The following CRISPLD2 variants were observed in gnomAD, a reference collection of about 807,000 sequenced individuals.
CRISPLD2 encodes cysteine rich secretory protein LCCL domain containing 2.
CRISPLD2 carries 47 observed loss-of-function variants against 71.1 expected under a neutral mutation model. That is an observed-to-expected ratio of 0.66 (90% CI 0.52 to 0.84). CRISPLD2 has a LOEUF of 0.84. Among genes scored for constraint, CRISPLD2 ranks in the 40% least tolerant of loss-of-function variants. CRISPLD2 has a pLI of 0.00. For missense variants in CRISPLD2, 830 were observed against 651.1 expected, an observed-to-expected ratio of 1.27 and a Z score of -2.99; for synonymous variants, 317 against 250.1, an observed-to-expected ratio of 1.27 and a Z score of -2.52.
At chr16:84,877,782 G>A (rs1443027457) in intron 12 of CRISPLD2, among the ~76,000 whole-genome samples, 9 of 152,200 alleles carry the variant, frequency 5.9e-5, no homozygotes, top group East Asian at 3.9e-4. Context: ...CCTGGGAGGC[G>A]GAGGTTGCAG....
chr16:84,901,544 T>C (rs1448589804), intron 14 of CRISPLD2, among the ~76,000 whole-genome samples: 1 of 150,456 alleles, frequency 6.6e-6, no homozygotes, highest in Non-Finnish European at 1.5e-5. Context: ...TGATCTCGGC[T>C]CATTGCAACC....
intron 14 of CRISPLD2, among the ~76,000 whole-genome samples, chr16:84,895,830 C>T (rs934781298): frequency 6.6e-6 from 1 of 152,098 alleles, no homozygotes; most frequent in Non-Finnish European, 1.5e-5. Flanking sequence ...CAGGTACCTC[C>T]CTGGAGAGGC....
intron 13 of CRISPLD2, among the ~76,000 whole-genome samples, chr16:84,883,776 G>A (rs138864380): frequency 3.9e-5 from 6 of 152,050 alleles, no homozygotes; most frequent in Non-Finnish European, 7.4e-5. Flanking sequence ...GGTGGCATTT[G>A]TCTTGACTGA....
At chr16:84,822,012 G>C (rs927457167) in intron 1 of CRISPLD2, among the ~76,000 whole-genome samples, 2 of 152,246 alleles carry the variant, frequency 1.3e-5, no homozygotes, top group Non-Finnish European at 2.9e-5. Context: ...CCCATCTAAT[G>C]ACCAGCCACA....
At chr16:84,866,862 T>C in intron 6 of CRISPLD2, 35 bp from the exon 7 acceptor site, 7 of 1,597,076 alleles carry the variant, frequency 4.4e-6, no homozygotes, top group Non-Finnish European at 5.1e-6. Context: ...TGAATCCCAG[T>C]GTGTTATTTT....
intron 4 of CRISPLD2, 55 bp downstream of exon 4, chr16:84,849,572 C>T (rs541125181): frequency 6.5e-7 from 1 of 1,544,876 alleles, no homozygotes; most frequent in Non-Finnish European, 8.8e-7. Context: ...CAGTCATTCA[C>T]CCCCTGCCCC....
intron 5 of CRISPLD2, among the ~76,000 whole-genome samples, chr16:84,850,927 A>T (rs535278537): frequency 2.8e-4 from 27 of 95,484 alleles, no homozygotes; most frequent in African/African-American, 7.8e-4. Flanking sequence ...CAGCACCAAC[A>T]TCACATCTCC....
At chr16:84,864,871 G>C (rs74615599) in intron 6 of CRISPLD2, among the ~76,000 whole-genome samples, 1,585 of 152,260 alleles carry the variant, frequency 0.01, 19 homozygotes, top group African/African-American at 0.036. Flanking sequence ...ATTAGAATTG[G>C]AGCTCAGAAT....
At position 84,909,294 on chromosome 16, in the gene CRISPLD2, G is replaced by A. The variant is rs902476303; in HGVS notation, c.*2652G>A. 3.3e-5 allele frequency: 5 copies of A among 152,536 alleles called. No individual in the cohort carries two copies. Among genetic ancestry groups the A allele is most frequent in the Admixed American group, 3.3e-4 (5 of 15,280 alleles). 9.4% of individuals were successfully genotyped at this position (152,536 alleles called of 1,614,324 possible). A position where few individuals can be genotyped will look rare whatever the true frequency, so the allele number is the denominator to read the frequency against. On this transcript the variant is annotated 3_prime_UTR_variant, in exon 15 of 15. Coordinates refer to ENST00000262424, the MANE Select transcript of CRISPLD2 (RefSeq NM_031476.4). Reference sequence around the variant, plus strand: ...TATTGTCTGTAGGCTCACTCAGCCCGCAGTTTATGTGTGTGCTTTTTTCTA... The same window carrying A: ...TATTGTCTGTAGGCTCACTCAGCCCACAGTTTATGTGTGTGCTTTTTTCTA...
At chr16:84,853,309 G>C (rs112070367) in intron 5 of CRISPLD2, among the ~76,000 whole-genome samples, 1 of 152,174 alleles carries the variant, frequency 6.6e-6, no homozygotes, top group Non-Finnish European at 1.5e-5. Flanking sequence ...GGGACCTCTC[G>C]GTCCCTTGGT....
intron 1 of CRISPLD2, among the ~76,000 whole-genome samples, chr16:84,825,585 G>C (rs551847331): frequency 6.6e-6 from 1 of 152,032 alleles, no homozygotes; most frequent in African/African-American, 2.4e-5. Context: ...GCAAAACCTT[G>C]TTTCTACTGG....
Position 84,845,827 on chromosome 16 carries a change from C to T in CRISPLD2, c.282C>T (p.Ala94=), listed in dbSNP as rs2143198597. ...TGGAGAAGTCTGCTGCAGCGTGGGCCAGTCAGTGCATCTGGGAGCACGGGC... is the reference window on the plus strand; with the variant it reads ...TGGAGAAGTCTGCTGCAGCGTGGGCTAGTCAGTGCATCTGGGAGCACGGGC... The part of the protein sequence containing the change: ...DELEKSAAAW[A]SQCIWEHGPT... The change falls in exon 3 of 15, where the codon GCC becomes GCT. Residue 94 remains alanine, a synonymous_variant. Transcript: ENST00000262424. 6.2e-7 allele frequency: 1 copy of T among 1,614,022 alleles called. No homozygotes were observed. Among genetic ancestry groups the T allele is most frequent in the African/African-American group, 1.3e-5 (1 of 75,042 alleles).
chr16:84,829,699 A>G (rs1200287173), intron 1 of CRISPLD2, among the ~76,000 whole-genome samples: 1 of 152,254 alleles, frequency 6.6e-6, no homozygotes, highest in Non-Finnish European at 1.5e-5. Flanking sequence ...GTAAGTGACC[A>G]GGGCGTAGTG....
At chr16:84,832,696 G>C (rs1352107956) in intron 1 of CRISPLD2, among the ~76,000 whole-genome samples, 1 of 152,252 alleles carries the variant, frequency 6.6e-6, no homozygotes, top group Admixed American at 6.5e-5. Context: ...TGTGGGAACA[G>C]CATGTGCAAA....
At chr16:84,836,491 AGCCCGTCT>A (rs1916623987) in intron 1 of CRISPLD2, 5 of 152,182 alleles carry the variant, frequency 3.3e-5, no homozygotes, top group Admixed American at 2.6e-4. Flanking sequence ...GGAGGAGGGC[AGCCCGTCT>A]GCCCTGCTAC....
At chr16:84,874,408 C>G (rs2934483) in intron 11 of CRISPLD2, among the ~76,000 whole-genome samples, 69,745 of 152,100 alleles carry the variant, frequency 0.46, 18,519 homozygotes, top group African/African-American at 0.73. Flanking sequence ...GTGTGTGGCA[C>G]TTACTTGCCA....
At chr16:84,875,414 CTT>C (rs34028519) in intron 11 of CRISPLD2, among the ~76,000 whole-genome samples, 3,681 of 87,672 alleles carry the variant, frequency 0.042, 16 homozygotes, top group Non-Finnish European at 0.052. Flanking sequence ...TATGCATGGA[CTT>C]TTTTTTTTTT....
intron 14 of CRISPLD2, among the ~76,000 whole-genome samples, chr16:84,894,516 C>T (rs951301704): frequency 1.3e-5 from 2 of 152,062 alleles, no homozygotes; most frequent in South Asian, 2.1e-4. Context: ...GGGACACTGC[C>T]GGGAACAGAA....
intron 5 of CRISPLD2, among the ~76,000 whole-genome samples, chr16:84,853,516 C>T (rs1391837311): frequency 6.6e-6 from 1 of 152,208 alleles, no homozygotes. Flanking sequence ...CACTGCACGG[C>T]CCACTGTCCC....
Sources: gnomAD v4.1 joint callset for allele counts (sites outside exome capture counted in the v4.1 genomes callset) on GRCh38, gnomAD v4.1.1 for gene constraint, MANE v1.5 for transcripts, NCBI Gene and HGNC (gene_info 2026-07-23, HGNC 2026-07-21) for gene names.